GSK3B: variants seen among roughly 807,000 people sequenced by gnomAD.
The protein encoded by GSK3B is glycogen synthase kinase-3 beta.
A neutral mutation model predicts 56.4 loss-of-function variants in GSK3B; 15 were observed. The ratio of observed to expected loss-of-function variants is 0.27; its 90% CI spans 0.18 to 0.41. The LOEUF is 0.41. GSK3B is among the 10% of genes least tolerant of loss of function. The pLI is 1.00. For synonymous variants in GSK3B, 181 were observed against 188.9 expected (o/e 0.96, Z 0.34); for missense variants, 300 against 513.4 (o/e 0.58, Z 4.02).
intron 4 of GSK3B, among the ~76,000 whole-genome samples, chr3:119,919,526 A>G (rs896095420): frequency 1.3e-5 from 2 of 148,726 alleles, no homozygotes; most frequent in South Asian, 4.2e-4. Context: ...TAAGAAAAAA[A>G]AAAAAGAAAA....
chr3:119,859,068 A>G (rs781126033), intron 9 of GSK3B, among the ~76,000 whole-genome samples: 114 of 152,200 alleles, frequency 7.5e-4, no homozygotes, highest in Non-Finnish European at 1.4e-3. Flanking sequence ...CAAATGTGGC[A>G]CAGAGACACA....
chr3:119,863,484 C>T lies in GSK3B; in HGVS notation c.1031G>A (p.Arg344Gln). The T allele has an allele frequency of 6.2e-7, 1 of 1,613,782 alleles. No individual in the cohort carries two copies. The highest frequency in any genetic ancestry group is 8.5e-7 in the Non-Finnish European group (1 of 1,179,816). The change falls in exon 9 of 11, where the codon CGG becomes CAG. Residue 344 changes from arginine to glutamine, a missense_variant. Physicochemically the swap from Arg to Gln is conservative, Grantham distance 43 (BLOSUM62 1). Transcript: ENST00000264235. ...ATTTGGTAGTTTGACATTTGGGTCCCGTAATTCATCAAAAAATGAATGTGC... is the reference window on the plus strand; with the variant it reads ...ATTTGGTAGTTTGACATTTGGGTCCTGTAATTCATCAAAAAATGAATGTGC... ...ACAHSFFDEL[R>Q]DPNVKLPNGR...
intron 1 of GSK3B, among the ~76,000 whole-genome samples, chr3:120,053,232 G>A (rs1305204534): frequency 2.6e-5 from 4 of 152,178 alleles, no homozygotes; most frequent in Non-Finnish European, 4.4e-5. Context: ...AGCTACTCGG[G>A]AGGCTGAGGC....
intron 3 of GSK3B, among the ~76,000 whole-genome samples, chr3:119,928,957 C>T (rs1182521162): frequency 6.6e-6 from 1 of 152,086 alleles, no homozygotes; most frequent in African/African-American, 2.4e-5. Context: ...CGAGTTTTAG[C>T]TATTTTCATC....
chr3:119,887,168 GC>G (rs1207915058), intron 7 of GSK3B, among the ~76,000 whole-genome samples: 1 of 152,070 alleles, frequency 6.6e-6, no homozygotes, highest in Non-Finnish European at 1.5e-5. Flanking sequence ...TTAATAGAAT[GC>G]CATGCAAAGG....
intron 8 of GSK3B, among the ~76,000 whole-genome samples, chr3:119,875,677 G>A (rs1174634354): frequency 6.6e-6 from 1 of 151,904 alleles, no homozygotes; most frequent in Non-Finnish European, 1.5e-5. Context: ...AAACCCTACT[G>A]AGAAATTCTA....
intron 4 of GSK3B, among the ~76,000 whole-genome samples, chr3:119,918,960 TAAC>T (rs143407547): frequency 0.016 from 2,423 of 152,246 alleles, 56 homozygotes; most frequent in African/African-American, 0.055. Context: ...AAACAAGTAA[TAAC>T]AATTTTGTTC....
chr3:119,905,694 AT>A (rs2056676142), intron 7 of GSK3B, 60 bp downstream of exon 7: 1 of 927,020 alleles, frequency 1.1e-6, no homozygotes, highest in Admixed American at 1.7e-5. Context: ...TGTGTGATAT[AT>A]ATTATTAAAG....
In GSK3B at chr3:119,826,603, T is replaced by C. The variant is rs769024453; in HGVS notation, c.*185A>G. 4.7e-6 allele frequency: 2 copies of C among 421,344 alleles called. No homozygotes were observed. The highest frequency in any genetic ancestry group is 9.6e-6 in the Non-Finnish European group (2 of 208,266). 26.1% of individuals were successfully genotyped at this position (421,344 alleles called of 1,614,324 possible). A position where few individuals can be genotyped will look rare whatever the true frequency, so the allele number is the denominator to read the frequency against. ...CCCTCAAAGTGAGAATACAATGAAA[T>C]TGGTTTGTATTTATAGATATTTTAC... is the stretch of plus-strand genomic sequence containing the variant. On this transcript the variant is annotated 3_prime_UTR_variant, in exon 11 of 11. Transcript: ENST00000264235.
At position 120,093,359 on chromosome 3, in the gene GSK3B, T is replaced by C. The variant is rs1309654926; in HGVS notation, c.76A>G (p.Met26Val). Reference protein sequence around the residue: ...PVQQPSAFGSMKVSRDKDGSK... With the variant: ...PVQQPSAFGSVKVSRDKDGSK... ...AACCAATACTCACTGCTAACTTTCA[T>C]GCTGCCAAAAGCTGAAGGCTGCTGC... Residue 26 changes from methionine (M) to valine (V), a missense_variant, in exon 1 of 11, where the codon ATG (methionine) becomes GTG (valine). Met to Val is a conservative substitution (Grantham distance 21). This residue lies in a region of GSK3B where 53 missense variants were observed against 64.6 expected (regional missense o/e 0.82). Transcript: ENST00000264235. 1 of 1,612,344 alleles carries C rather than the reference T, an allele frequency of 6.2e-7. No homozygotes were observed. Among genetic ancestry groups the C allele is most frequent in the Non-Finnish European group, 8.5e-7 (1 of 1,178,336 alleles).
chr3:119,865,129 T>C (rs1013575814), intron 8 of GSK3B, among the ~76,000 whole-genome samples: 5 of 152,048 alleles, frequency 3.3e-5, no homozygotes, highest in Admixed American at 3.3e-4. Flanking sequence ...AAATAATCAG[T>C]GGGAAAACTC....
intron 9 of GSK3B, among the ~76,000 whole-genome samples, chr3:119,858,817 T>A (rs1324754835): frequency 6.6e-6 from 1 of 152,256 alleles, no homozygotes; most frequent in East Asian, 1.9e-4. Context: ...GAGGCTCTTG[T>A]AGGGTTATTA....
chr3:120,017,809 T>C (rs1339225058), intron 1 of GSK3B, among the ~76,000 whole-genome samples: 5 of 152,226 alleles, frequency 3.3e-5, no homozygotes, highest in African/African-American at 1.2e-4. Flanking sequence ...TTTATGACTA[T>C]GCAGATAGCA....
chr3:119,834,118 C>G (rs2055650647), intron 10 of GSK3B, among the ~76,000 whole-genome samples: 1 of 152,084 alleles, frequency 6.6e-6, no homozygotes, highest in Admixed American at 6.5e-5. Context: ...TTAGAAATGT[C>G]TTATGACAGG....
intron 9 of GSK3B, among the ~76,000 whole-genome samples, chr3:119,850,796 A>G (rs2055919642): frequency 6.6e-6 from 1 of 152,200 alleles, no homozygotes; most frequent in African/African-American, 2.4e-5. Context: ...AGTGTTGAAG[A>G]GACTGAAATT....
chr3:119,931,615 A>AAAAAC (rs1469201335), intron 3 of GSK3B, among the ~76,000 whole-genome samples: 11 of 152,196 alleles, frequency 7.2e-5, no homozygotes, highest in African/African-American at 1.7e-4. Flanking sequence ...ACTGTCTCAA[A>AAAAAC]AAAACAAAAC....
intron 4 of GSK3B, among the ~76,000 whole-genome samples, chr3:119,918,494 A>C (rs939843553): frequency 6.6e-6 from 1 of 151,950 alleles, no homozygotes; most frequent in African/African-American, 2.4e-5. Context: ...AAACAAAACA[A>C]AACAAAAAAA....
intron 1 of GSK3B, among the ~76,000 whole-genome samples, chr3:120,073,032 C>T (rs948929158): frequency 6.6e-6 from 1 of 151,988 alleles, no homozygotes; most frequent in Non-Finnish European, 1.5e-5. Context: ...GCTCTGCCAC[C>T]TGCTGGCTAT....
chr3:119,969,389 A>G (rs2107513688), intron 2 of GSK3B, among the ~76,000 whole-genome samples: 1 of 152,328 alleles, frequency 6.6e-6, no homozygotes, highest in Non-Finnish European at 1.5e-5. Context: ...ATGTACATGG[A>G]TAAGAACACT....
Sources: gnomAD v4.1 joint callset for allele counts (sites outside exome capture counted in the v4.1 genomes callset) on GRCh38, gnomAD v4.1.1 for gene constraint, gnomAD v4.1.1 regional missense constraint, MANE v1.5 for transcripts, NCBI Gene and HGNC (gene_info 2026-07-23, HGNC 2026-07-21) for gene names.